CYSLTR2: variants seen among roughly 807,000 people sequenced by gnomAD.
The protein encoded by CYSLTR2 is cysteinyl leukotriene receptor 2.
For synonymous variants in CYSLTR2, 179 were observed against 160.8 expected, an observed-to-expected ratio of 1.11 and a Z score of -0.86; for missense variants, 398 against 411.9, an observed-to-expected ratio of 0.97 and a Z score of 0.29.
chr13:48,663,273 G>A (rs557843826), intron 1 of CYSLTR2, among the ~76,000 whole-genome samples: 17 of 152,114 alleles, frequency 1.1e-4, no homozygotes, highest in Non-Finnish European at 2.4e-4. Context: ...GTTTGGTGGT[G>A]TGATACTTCC....
At chr13:48,674,551 G>C (rs1217621705) in intron 1 of CYSLTR2, among the ~76,000 whole-genome samples, 1 of 152,108 alleles carries the variant, frequency 6.6e-6, no homozygotes, top group Non-Finnish European at 1.5e-5. Context: ...TAGATTTCTT[G>C]CATTGGGCTA....
chr13:48,678,836 C>T (rs1029184092), intron 1 of CYSLTR2, among the ~76,000 whole-genome samples: 3 of 152,122 alleles, frequency 2.0e-5, no homozygotes, highest in African/African-American at 7.2e-5. Flanking sequence ...AGTTCTCACT[C>T]CTTTATAGCT....
intron 1 of CYSLTR2, among the ~76,000 whole-genome samples, chr13:48,669,995 T>C (rs1953378547): frequency 6.6e-6 from 1 of 152,254 alleles, no homozygotes; most frequent in African/African-American, 2.4e-5. Flanking sequence ...TAGTATCTCA[T>C]TGTGGTTTTG....
At chr13:48,654,305 GAGTGTGTGTGTGTGTGTGTGTA>G (rs1952949513) in intron 1 of CYSLTR2, among the ~76,000 whole-genome samples, 1 of 45,538 alleles carries the variant, frequency 2.2e-5, no homozygotes, top group African/African-American at 1.5e-4. Context: ...GTGTGTGTGT[GAGTGTGTGTGTGTGTGTGTGTA>G]TGCACATATA....
intron 4 of CYSLTR2, among the ~76,000 whole-genome samples, chr13:48,699,208 A>G (rs1376082320): frequency 6.6e-6 from 1 of 152,236 alleles, no homozygotes; most frequent in Non-Finnish European, 1.5e-5. Flanking sequence ...CCCCAAGTCA[A>G]CAGAATATAC....
At chr13:48,693,193 A>G (rs2138948039) in intron 2 of CYSLTR2, among the ~76,000 whole-genome samples, 1 of 152,026 alleles carries the variant, frequency 6.6e-6, no homozygotes, top group Admixed American at 6.5e-5. Flanking sequence ...CTAATGTAGA[A>G]AATTCAGTTT....
chr13:48,702,405 A>AAAT (rs553079627), intron 4 of CYSLTR2, among the ~76,000 whole-genome samples: 106 of 152,150 alleles, frequency 7.0e-4, no homozygotes, highest in African/African-American at 2.4e-3. Flanking sequence ...ACTTAAAGTA[A>AAAT]AATAATAATA....
chr13:48,707,618 G>A lies in CYSLTR2; in HGVS notation c.801G>A (p.Arg267=), dbSNP rs747743936. 1.9e-6 allele frequency: 3 copies of A among 1,612,760 alleles called. No homozygotes were observed. The highest frequency in any genetic ancestry group is 1.7e-6 in the Non-Finnish European group (2 of 1,180,012). The stretch of plus-strand genomic sequence containing the variant: ...GTTTCCTGCCCTATCACACACTGAG[G>A]ACCGTCCACTTGACGACATGGAAAG... ...FLCFLPYHTL[R]TVHLTTWKVG... The change falls in exon 5 of 5, where the codon AGG becomes AGA. Residue 267 remains arginine, a synonymous_variant. Transcript: ENST00000682523.
chr13:48,688,132 G>A (rs1953943345), intron 1 of CYSLTR2, among the ~76,000 whole-genome samples: 1 of 152,138 alleles, frequency 6.6e-6, no homozygotes, highest in South Asian at 2.1e-4. Context: ...TATTTTTCTG[G>A]AGTGCAATGG....
Position 48,707,149 on chromosome 13 carries a change from G to A in CYSLTR2, c.332G>A (p.Cys111Tyr), listed in dbSNP as rs1360060218. Residue 111 changes from cysteine (C) to tyrosine (Y), a missense_variant, in exon 5 of 5, where the codon TGC (cysteine) becomes TAC (tyrosine). Cys to Tyr is a radical substitution (Grantham distance 194). Coordinates refer to ENST00000682523, the MANE Select transcript of CYSLTR2 (RefSeq NM_001308476.3). ...AATTGGATATTTGGAGACCTGGCCT[G>A]CAGGATTATGTCTTATTCCTTGTAT... ...GSNWIFGDLA[C>Y]RIMSYSLYVN... 1.2e-6 allele frequency: 2 copies of A among 1,614,160 alleles called. No individual in the cohort carries two copies. The highest frequency in any genetic ancestry group is 1.7e-6 in the Non-Finnish European group (2 of 1,180,026).
chr13:48,669,439 C>A (rs536212002), intron 1 of CYSLTR2, among the ~76,000 whole-genome samples: 3 of 152,234 alleles, frequency 2.0e-5, no homozygotes, highest in Admixed American at 6.5e-5. Context: ...CCTCCCACCC[C>A]CTGAAAGGCC....
At chr13:48,666,597 T>C (rs1365574763) in intron 1 of CYSLTR2, among the ~76,000 whole-genome samples, 2 of 152,232 alleles carry the variant, frequency 1.3e-5, no homozygotes, top group African/African-American at 2.4e-5. Context: ...TTCTCTTTTA[T>C]GCCTTTTTTG....
intron 1 of CYSLTR2, among the ~76,000 whole-genome samples, chr13:48,660,983 C>G (rs1437446578): frequency 2.0e-5 from 3 of 152,216 alleles, no homozygotes; most frequent in Admixed American, 6.5e-5. Context: ...TAATATGGCA[C>G]TTTCTCTGGT....
chr13:48,676,378 A>C (rs1953596733), intron 1 of CYSLTR2, among the ~76,000 whole-genome samples: 1 of 152,226 alleles, frequency 6.6e-6, no homozygotes, highest in Non-Finnish European at 1.5e-5. Context: ...AGTGAAATGA[A>C]AATTGCATTT....
rs147725180 is a variant in CYSLTR2 at position 48,697,176 on chromosome 13, C to T, written c.-2+550C>T. Among the ~76,000 whole-genome samples, 331 of 152,266 alleles carry T rather than the reference C, an allele frequency of 2.2e-3. 2 individuals carry two copies. The highest frequency in any genetic ancestry group is 7.3e-3 in the African/African-American group (305 of 41,562). On this transcript the variant is annotated intron_variant, in intron 4 of 4. Coordinates refer to ENST00000682523, the MANE Select transcript of CYSLTR2 (RefSeq NM_001308476.3). ...GAAGAGAGTAGTACTTCTCCCAGCACGGAGTTTGAGATCTGAGAATGGACA... is the reference window on the plus strand; with the variant it reads ...GAAGAGAGTAGTACTTCTCCCAGCATGGAGTTTGAGATCTGAGAATGGACA...
rs769488197 is a variant in CYSLTR2 at position 48,707,285 on chromosome 13, G to A, written c.468G>A (p.Trp156Ter). 1.4e-5 allele frequency: 23 copies of A among 1,613,850 alleles called. No homozygotes were observed. Among genetic ancestry groups the A allele is most frequent in the Non-Finnish European group, 1.9e-5 (23 of 1,180,036 alleles). ...LLHVTSIRSA[W>*]ILCGIIWILI... ...ATGTCACCAGCATCAGGAGTGCCTG[G>A]ATCCTCTGTGGGATCATATGGATCC... is the stretch of plus-strand genomic sequence containing the variant. The change falls in exon 5 of 5, where the codon TGG becomes TGA. Residue 156 changes from tryptophan (W) to a stop codon, truncating the protein, a stop_gained. Transcript: ENST00000682523. LOFTEE classifies it low-confidence loss of function (END_TRUNC).
intron 1 of CYSLTR2, among the ~76,000 whole-genome samples, chr13:48,668,017 G>A (rs1408198102): frequency 6.6e-6 from 1 of 152,158 alleles, no homozygotes; most frequent in Non-Finnish European, 1.5e-5. Context: ...GCACATTGCA[G>A]TAACACTTGT....
At position 48,709,471 on chromosome 13, in the gene CYSLTR2, T is replaced by C. The variant is rs1450568597; in HGVS notation, c.*1613T>C. 6.2e-6 allele frequency: 1 copy of C among 161,740 alleles called. No individual in the cohort carries two copies. Among genetic ancestry groups the C allele is most frequent in the Non-Finnish European group, 1.5e-5 (1 of 68,052 alleles). 10.0% of individuals were successfully genotyped at this position (161,740 alleles called of 1,614,324 possible). ...ATCCTCCTATGGGGAAACTGCATAA[T>C]CTGAAAAAAAGGCTGACAGATACAA... On this transcript the variant is annotated 3_prime_UTR_variant, in exon 5 of 5. Transcript: ENST00000682523.
intron 1 of CYSLTR2, among the ~76,000 whole-genome samples, chr13:48,677,036 G>A (rs932700948): frequency 1.1e-4 from 16 of 152,066 alleles, no homozygotes; most frequent in Middle Eastern, 3.2e-3. Flanking sequence ...GGGCTCCAGT[G>A]GGTGTCCACA....
Sources: gnomAD v4.1 joint callset for allele counts (sites outside exome capture counted in the v4.1 genomes callset) on GRCh38, gnomAD v4.1.1 for gene constraint, MANE v1.5 for transcripts, NCBI Gene and HGNC (gene_info 2026-07-23, HGNC 2026-07-21) for gene names.